The following SCAPER variants were observed in gnomAD, a reference collection of about 807,000 sequenced individuals.
The protein encoded by SCAPER is S phase cyclin A-associated protein in the endoplasmic reticulum.
A neutral mutation model predicts 182.2 loss-of-function variants in SCAPER; 98 were observed. That is an observed-to-expected ratio of 0.54 (90% CI 0.46 to 0.64). SCAPER has a LOEUF of 0.64. SCAPER is among the 30% of genes least tolerant of loss of function. SCAPER has a pLI of 0.00. For missense variants in SCAPER, 1,432 were observed against 1,690.0 expected, an observed-to-expected ratio of 0.85 and a Z score of 2.68; for synonymous variants, 605 against 564.6, an observed-to-expected ratio of 1.07 and a Z score of -1.01.
intron 25 of SCAPER, among the ~76,000 whole-genome samples, chr15:76,459,543 G>GTT (rs57690324): frequency 0.063 from 9,026 of 143,892 alleles, 756 homozygotes; most frequent in African/African-American, 0.19. Context: ...AATTATTAGG[G>GTT]TTTTTTTTTT....
intron 2 of SCAPER, among the ~76,000 whole-genome samples, chr15:76,873,772 A>G (rs2072954501): frequency 6.6e-6 from 1 of 152,232 alleles, no homozygotes; most frequent in Non-Finnish European, 1.5e-5. Context: ...CATGTTTTCC[A>G]AACTGTCAAT....
chr15:76,430,250 AG>A (rs1349094458), intron 26 of SCAPER, among the ~76,000 whole-genome samples: 1 of 152,224 alleles, frequency 6.6e-6, no homozygotes, highest in Non-Finnish European at 1.5e-5. Context: ...GCAGTGTGGA[AG>A]GGAAATGTGG....
chr15:76,904,008 ACT>A (rs2074936975), intron 1 of SCAPER, among the ~76,000 whole-genome samples: 1 of 152,136 alleles, frequency 6.6e-6, no homozygotes, highest in African/African-American at 2.4e-5. Context: ...TTAAAACTTG[ACT>A]CTTTGATTGA....
At chr15:76,450,471 G>A (rs2048300580) in intron 25 of SCAPER, among the ~76,000 whole-genome samples, 1 of 151,954 alleles carries the variant, frequency 6.6e-6, no homozygotes, top group Admixed American at 6.6e-5. Context: ...TCTAAATCTA[G>A]TACAATGAAG....
At chr15:76,868,163 TA>T (rs1441471783) in intron 2 of SCAPER, among the ~76,000 whole-genome samples, 11 of 152,084 alleles carry the variant, frequency 7.2e-5, no homozygotes, top group Non-Finnish European at 1.5e-4. Flanking sequence ...TATGAAAACA[TA>T]AAAGGCATCC....
At chr15:76,361,469 AG>A (rs1302919002) in intron 29 of SCAPER, among the ~76,000 whole-genome samples, 4 of 152,222 alleles carry the variant, frequency 2.6e-5, no homozygotes, top group African/African-American at 7.2e-5. Context: ...CTTACAAGAA[AG>A]TCTTCCAAGC....
chr15:76,401,927 G>C (rs936681350), intron 27 of SCAPER, among the ~76,000 whole-genome samples: 7 of 152,142 alleles, frequency 4.6e-5, no homozygotes, highest in African/African-American at 1.4e-4. Context: ...AGGAGTTCGA[G>C]ACCAGACTGG....
At chr15:76,817,720 A>G (rs1369287660) in intron 5 of SCAPER, among the ~76,000 whole-genome samples, 1 of 152,162 alleles carries the variant, frequency 6.6e-6, no homozygotes, top group Non-Finnish European at 1.5e-5. Flanking sequence ...ACAGAATACC[A>G]TTTACATTAA....
chr15:76,562,997 G>A (rs1306540823), intron 23 of SCAPER, among the ~76,000 whole-genome samples: 3 of 152,134 alleles, frequency 2.0e-5, no homozygotes, highest in African/African-American at 7.2e-5. Context: ...TTTACATGAA[G>A]TTCAAAACTA....
intron 15 of SCAPER, among the ~76,000 whole-genome samples, chr15:76,740,321 A>C (rs1041413583): frequency 1.6e-4 from 25 of 152,268 alleles, no homozygotes; most frequent in African/African-American, 4.8e-4. Context: ...GTAGCTAAGA[A>C]AGGCAACAGA....
intron 8 of SCAPER, among the ~76,000 whole-genome samples, chr15:76,791,249 A>G (rs768019496): frequency 2.0e-5 from 3 of 152,228 alleles, no homozygotes; most frequent in Non-Finnish European, 4.4e-5. Flanking sequence ...TTGATTATGT[A>G]TTTGGACTTA....
At chr15:76,538,723 TAA>T (rs34173122) in intron 23 of SCAPER, among the ~76,000 whole-genome samples, 4 of 151,210 alleles carry the variant, frequency 2.6e-5, no homozygotes, top group Admixed American at 6.6e-5. Flanking sequence ...TAATAATAAT[TAA>T]AAAAAAAAGA....
intron 23 of SCAPER, among the ~76,000 whole-genome samples, chr15:76,551,882 C>T (rs1204300056): frequency 6.6e-6 from 1 of 151,960 alleles, no homozygotes; most frequent in Non-Finnish European, 1.5e-5. Context: ...TCTCTCATGC[C>T]TACATGTCTG....
At chr15:76,456,465 T>C (rs2048743654) in intron 25 of SCAPER, among the ~76,000 whole-genome samples, 1 of 152,270 alleles carries the variant, frequency 6.6e-6, no homozygotes, top group Non-Finnish European at 1.5e-5. Context: ...ATATTTTCAA[T>C]GATTTCAAGC....
At chr15:76,828,854 C>T (rs779537164) in intron 5 of SCAPER, among the ~76,000 whole-genome samples, 10 of 152,098 alleles carry the variant, frequency 6.6e-5, no homozygotes, top group Non-Finnish European at 1.5e-4. Flanking sequence ...CAAATCAAAA[C>T]GATAAGATTA....
At chr15:76,755,765 T>G (rs2062385334) in intron 14 of SCAPER, among the ~76,000 whole-genome samples, 1 of 152,208 alleles carries the variant, frequency 6.6e-6, no homozygotes. Context: ...CCCCCACTCT[T>G]TCTCTGATTT....
intron 31 of SCAPER, chr15:76,349,424 A>T (rs555186009): frequency 2.1e-4 from 32 of 150,628 alleles, no homozygotes; most frequent in African/African-American, 7.7e-4. Flanking sequence ...TAGGAGCTTT[A>T]CTGGCCAGTG....
At chr15:76,548,208 A>AC (rs2045458800) in intron 23 of SCAPER, among the ~76,000 whole-genome samples, 1 of 152,164 alleles carries the variant, frequency 6.6e-6, no homozygotes, top group African/African-American at 2.4e-5. Flanking sequence ...CCTGATTTTC[A>AC]ATGTGAAAAT....
At chr15:76,841,431 A>G (rs933543995) in intron 5 of SCAPER, among the ~76,000 whole-genome samples, 4 of 152,090 alleles carry the variant, frequency 2.6e-5, no homozygotes, top group African/African-American at 9.7e-5. Context: ...TGGATCACTT[A>G]AGGTCAGGAG....
Sources: gnomAD v4.1 joint callset for allele counts (sites outside exome capture counted in the v4.1 genomes callset) on GRCh38, gnomAD v4.1.1 for gene constraint, MANE v1.5 for transcripts, NCBI Gene and HGNC (gene_info 2026-07-23, HGNC 2026-07-21) for gene names.